Variants in FAT3 observed in about 807,000 individuals in gnomAD.
The protein encoded by FAT3 is protocadherin Fat 3.
Under a neutral mutation model 310.2 loss-of-function variants are expected in FAT3, and 95 were observed. That is an observed-to-expected ratio of 0.31 (90% CI 0.26 to 0.36). The LOEUF is 0.36. FAT3 is among the 10% of genes least tolerant of loss of function. The pLI, the probability that FAT3 is intolerant of heterozygous loss-of-function variation, is 1.00. For synonymous variants in FAT3, 2,314 were observed against 2,192.9 expected (o/e 1.06, Z -1.54); for missense variants, 5,408 against 5,715.6 (o/e 0.95, Z 1.74).
intron 26 of FAT3, 42 bp from the exon 27 acceptor site, chr11:92,889,814 G>A (rs1465144265): frequency 1.4e-6 from 1 of 717,688 alleles, no homozygotes; most frequent in East Asian, 2.7e-5. Flanking sequence ...TCTTCACATG[G>A]TTTGGACTGT....
intron 3 of FAT3, among the ~76,000 whole-genome samples, chr11:92,641,583 C>G (rs975247637): frequency 6.6e-6 from 1 of 152,204 alleles, no homozygotes; most frequent in Non-Finnish European, 1.5e-5. Context: ...ACATTGCTTT[C>G]CACTCCATGT....
intron 2 of FAT3, among the ~76,000 whole-genome samples, chr11:92,522,467 G>A (rs959557302): frequency 2.6e-5 from 4 of 152,074 alleles, no homozygotes; most frequent in Non-Finnish European, 5.9e-5. Flanking sequence ...TGAATCCTAA[G>A]GTTAAAAAAC....
At chr11:92,471,971 A>C (rs1474386328) in intron 2 of FAT3, among the ~76,000 whole-genome samples, 1 of 144,146 alleles carries the variant, frequency 6.9e-6, no homozygotes, top group African/African-American at 2.5e-5. Context: ...TAAGTTACAT[A>C]CATAATTTAT....
intron 1 of FAT3, among the ~76,000 whole-genome samples, chr11:92,278,934 G>C (rs1031828812): frequency 3.9e-5 from 6 of 152,118 alleles, no homozygotes; most frequent in Admixed American, 3.9e-4. Context: ...TACAGCATGA[G>C]TGGCTTCTCC....
chr11:92,479,246 A>C (rs933090042), intron 2 of FAT3, among the ~76,000 whole-genome samples: 5 of 151,172 alleles, frequency 3.3e-5, no homozygotes, highest in Admixed American at 2.6e-4. Context: ...CCTGGGCCCA[A>C]GCATCCTGCC....
intron 3 of FAT3, among the ~76,000 whole-genome samples, chr11:92,664,290 G>A (rs1391713018): frequency 6.6e-6 from 1 of 152,156 alleles, no homozygotes; most frequent in East Asian, 1.9e-4. Context: ...ATTGTAATGA[G>A]CTATTTTACC....
chr11:92,502,221 C>G (rs550354138), intron 2 of FAT3, among the ~76,000 whole-genome samples: 3 of 152,090 alleles, frequency 2.0e-5, no homozygotes, highest in Admixed American at 2.0e-4. Context: ...TCTAAGAGTT[C>G]ATTTAAAAAA....
chr11:92,404,767 T>C (rs2134884616), intron 2 of FAT3, among the ~76,000 whole-genome samples: 1 of 152,066 alleles, frequency 6.6e-6, no homozygotes, highest in South Asian at 2.1e-4. Context: ...CCCTCACCAT[T>C]GTGGGTGAGT....
chr11:92,246,102 T>C (rs1389101968), intron 1 of FAT3, among the ~76,000 whole-genome samples: 1 of 152,042 alleles, frequency 6.6e-6, no homozygotes, highest in Non-Finnish European at 1.5e-5. Context: ...TCAATGGATG[T>C]GGGGAGGGAC....
intron 2 of FAT3, among the ~76,000 whole-genome samples, chr11:92,420,024 A>G (rs1017616282): frequency 2.0e-5 from 3 of 152,172 alleles, no homozygotes; most frequent in Non-Finnish European, 4.4e-5. Context: ...GCCCATTCTT[A>G]TTTCTGTAGG....
chr11:92,286,964 T>C (rs1946576382), intron 1 of FAT3, among the ~76,000 whole-genome samples: 1 of 152,222 alleles, frequency 6.6e-6, no homozygotes, highest in African/African-American at 2.4e-5. Flanking sequence ...AGTGATTAGG[T>C]GCAAACCTTG....
intron 2 of FAT3, among the ~76,000 whole-genome samples, chr11:92,488,449 C>G (rs1276913638): frequency 1.7e-5 from 1 of 58,142 alleles, no homozygotes. Flanking sequence ...TAACTAGCAC[C>G]GCCCCCCCCC....
At chr11:92,504,445 A>G (rs1953040339) in intron 2 of FAT3, among the ~76,000 whole-genome samples, 1 of 152,142 alleles carries the variant, frequency 6.6e-6, no homozygotes. Flanking sequence ...CTGAACAACT[A>G]TTACTTAGGG....
At chr11:92,705,412 ATGG>A (rs1360198745) in intron 4 of FAT3, among the ~76,000 whole-genome samples, 485 of 31,708 alleles carry the variant, frequency 0.015, 3 homozygotes, top group African/African-American at 0.036. Context: ...GGTGGTGGTG[ATGG>A]TGGTAGTGGT....
rs149319409 is a variant in FAT3 at position 92,230,101 on chromosome 11, G to A, written c.-18+4927G>A. Reference sequence around the variant, plus strand: ...CTTGAGCAGTTGTTAGTATTTCAACGTTCTGCTCTTCCAGGGTTCCAAAAC... The same window carrying A: ...CTTGAGCAGTTGTTAGTATTTCAACATTCTGCTCTTCCAGGGTTCCAAAAC... On this transcript the variant is annotated intron_variant, in intron 1 of 27. Coordinates refer to ENST00000525166, the MANE Select transcript of FAT3 (RefSeq NM_001367949.2). 4.6e-4 allele frequency among the ~76,000 whole-genome samples: 70 copies of A among 152,128 alleles called. 1 individual carries two copies. Among genetic ancestry groups the A allele is most frequent in the African/African-American group, 1.6e-3 (67 of 41,498 alleles).
At position 92,889,248 on chromosome 11, in the gene FAT3, G is replaced by A. The variant is rs750427724; in HGVS notation, c.13111G>A (p.Val4371Met). The A allele has an allele frequency of 1.1e-5, 8 of 703,816 alleles. No individual in the cohort carries two copies. The highest frequency in any genetic ancestry group is 2.7e-5 in the East Asian group (1 of 36,690). 43.6% of individuals were successfully genotyped at this position (703,816 alleles called of 1,614,324 possible). A position where few individuals can be genotyped will look rare whatever the true frequency, so the allele number is the denominator to read the frequency against. Residue 4371 changes from valine (V) to methionine (M), a missense_variant and splice_region_variant, in exon 26 of 28, where the codon GTG (valine) becomes ATG (methionine). Val to Met is a conservative substitution (Grantham distance 21, BLOSUM62 1). This residue lies in a region of FAT3 where 649 missense variants were observed against 666.2 expected (regional missense o/e 0.97). Coordinates refer to ENST00000525166, the MANE Select transcript of FAT3 (RefSeq NM_001367949.2). ...TGTAGTTGACACTATAGAGAATGAA[G>A]GTATTTACTTTTTTTCTTCCATAGC... ...NNVVDTIENE[V>M]SVMDQGQNYN...
intron 2 of FAT3, among the ~76,000 whole-genome samples, chr11:92,500,979 T>G (rs1180493657): frequency 6.6e-6 from 1 of 152,062 alleles, no homozygotes; most frequent in East Asian, 1.9e-4. Flanking sequence ...AAGAAATTTA[T>G]CAGGTTACAA....
intron 4 of FAT3, among the ~76,000 whole-genome samples, chr11:92,755,584 A>G (rs1350251542): frequency 6.6e-6 from 1 of 152,196 alleles, no homozygotes; most frequent in Non-Finnish European, 1.5e-5. Flanking sequence ...TATATACGTT[A>G]ATTAACCTGT....
chr11:92,314,289 G>A (rs1282431509), intron 1 of FAT3: 2 of 982,820 alleles, frequency 2.0e-6, no homozygotes, highest in African/African-American at 3.5e-5. Flanking sequence ...GTTCAGATGA[G>A]AACATGGAGA....
Sources: gnomAD v4.1 joint callset for allele counts (sites outside exome capture counted in the v4.1 genomes callset) on GRCh38, gnomAD v4.1.1 for gene constraint, gnomAD v4.1.1 regional missense constraint, MANE v1.5 for transcripts, NCBI Gene and HGNC (gene_info 2026-07-23, HGNC 2026-07-21) for gene names.